The following KCNMA1 variants were observed in gnomAD, a reference collection of about 807,000 sequenced individuals.
The protein encoded by KCNMA1 is potassium calcium-activated channel subfamily M alpha 1, also known as Calcium-activated potassium channel subunit alpha-1.
Under a neutral mutation model 140.0 loss-of-function variants are expected in KCNMA1, and 29 were observed. The ratio of observed to expected loss-of-function variants is 0.21; its 90% CI spans 0.15 to 0.28. KCNMA1 has a LOEUF of 0.28. KCNMA1 is among the 10% of genes least tolerant of loss of function. KCNMA1 has a pLI of 1.00. For missense variants in KCNMA1, 880 were observed against 1,602.2 expected, an observed-to-expected ratio of 0.55 and a Z score of 7.70; for synonymous variants, 612 against 611.9, an observed-to-expected ratio of 1.00 and a Z score of 0.00.
Position 77,426,205 on chromosome 10 carries a change from G to A in KCNMA1, c.379-22182C>T, listed in dbSNP as rs560938937. ...ATAAACAGTTATTGATGACAGAGAT[G>A]AAAAGAAGAAGATCCAATGGAGTAA... On this transcript the variant is annotated intron_variant, in intron 1 of 27. Transcript: ENST00000286628. Among the ~76,000 whole-genome samples, 5 of 152,302 alleles carry A rather than the reference G, an allele frequency of 3.3e-5. No homozygotes were observed. The East Asian group carries it at 9.6e-4, about 29-fold the overall frequency.
At chr10:77,592,442 C>G (rs2079492407) in intron 1 of KCNMA1, among the ~76,000 whole-genome samples, 1 of 152,176 alleles carries the variant, frequency 6.6e-6, no homozygotes, top group Non-Finnish European at 1.5e-5. Flanking sequence ...GAAACTTGTT[C>G]TTTTCTATAG....
At chr10:77,328,613 CAA>C (rs2085113440) in intron 2 of KCNMA1, among the ~76,000 whole-genome samples, 1 of 152,184 alleles carries the variant, frequency 6.6e-6, no homozygotes, top group Non-Finnish European at 1.5e-5. Context: ...GACAAGTGGA[CAA>C]AGACTGACGG....
intron 14 of KCNMA1, among the ~76,000 whole-genome samples, chr10:77,062,211 T>C (rs1013577563): frequency 2.6e-5 from 4 of 152,244 alleles, no homozygotes; most frequent in African/African-American, 9.6e-5. Context: ...TTTCCTATAA[T>C]GCAAATGGAT....
At chr10:77,567,522 C>T (rs1424376398) in intron 1 of KCNMA1, among the ~76,000 whole-genome samples, 3 of 152,180 alleles carry the variant, frequency 2.0e-5, no homozygotes, top group African/African-American at 7.2e-5. Context: ...TTTAATTAAA[C>T]GAGAAACTAT....
At position 77,597,665 on chromosome 10, in the gene KCNMA1, C is replaced by T. The variant is rs1223514997; in HGVS notation, c.378+39600G>A. Among the ~76,000 whole-genome samples the T allele has an allele frequency of 6.6e-5, 10 of 152,318 alleles. No homozygotes were observed. In the East Asian group the frequency reaches 1.9e-3, roughly 29 times the overall value. The stretch of plus-strand genomic sequence containing the variant: ...CCAATTCCTTCCCCTCCTTCTGTGA[C>T]TTCATTTCCTGCCTTTATTCCTGTC... On this transcript the variant is annotated intron_variant, in intron 1 of 27. Transcript: ENST00000286628.
chr10:77,276,313 A>G (rs1220414655), intron 2 of KCNMA1, among the ~76,000 whole-genome samples: 1 of 152,214 alleles, frequency 6.6e-6, no homozygotes, highest in Non-Finnish European at 1.5e-5. Context: ...GCTAACAGGT[A>G]GATGCCTAGG....
intron 1 of KCNMA1, among the ~76,000 whole-genome samples, chr10:77,602,325 C>A (rs551356521): frequency 6.6e-6 from 1 of 152,216 alleles, no homozygotes; most frequent in Non-Finnish European, 1.5e-5. Context: ...ATTGTATGAG[C>A]ACATTTAGAT....
rs935237592 is a variant in KCNMA1, at chr10:77,470,614, C to T, written c.379-66591G>A. ...AATTCCTGACTTTTATTTTTAGCTG[C>T]AAGTCAGACAGAAGAGCAGAAAGAA... On this transcript the variant is annotated intron_variant, in intron 1 of 27. Coordinates refer to ENST00000286628, the MANE Select transcript of KCNMA1 (RefSeq NM_001161352.2). 2.6e-5 allele frequency among the ~76,000 whole-genome samples: 4 copies of T among 152,302 alleles called. No homozygotes were observed. The South Asian group carries it at 6.2e-4, about 24-fold the overall frequency.
At chr10:77,466,341 C>T (rs2098012659) in intron 1 of KCNMA1, among the ~76,000 whole-genome samples, 1 of 152,188 alleles carries the variant, frequency 6.6e-6, no homozygotes, top group Admixed American at 6.5e-5. Flanking sequence ...TGGCTAGCTG[C>T]TTCTTCATCT....
At chr10:77,142,418 AG>A (rs990084848) in intron 5 of KCNMA1, among the ~76,000 whole-genome samples, 10 of 152,020 alleles carry the variant, frequency 6.6e-5, no homozygotes, top group Non-Finnish European at 1.2e-4. Flanking sequence ...AAAAAGAAAA[AG>A]GAAAAACCCC....
At chr10:77,586,410 T>C (rs1340672892) in intron 1 of KCNMA1, 1 of 152,176 alleles carries the variant, frequency 6.6e-6, no homozygotes, top group Non-Finnish European at 1.5e-5. Flanking sequence ...CACTGTTCAG[T>C]TTCATAGGAG....
chr10:77,068,169 A>G (rs2096032582), intron 14 of KCNMA1, among the ~76,000 whole-genome samples: 1 of 152,220 alleles, frequency 6.6e-6, no homozygotes, highest in Non-Finnish European at 1.5e-5. Context: ...AAGGAGGATA[A>G]TAATAGTGAC....
intron 1 of KCNMA1, among the ~76,000 whole-genome samples, chr10:77,428,267 C>G (rs111875699): frequency 0.023 from 3,483 of 152,276 alleles, 122 homozygotes; most frequent in African/African-American, 0.08. Context: ...GCTGGGGTGA[C>G]AGAGCCCCTG....
At chr10:77,464,604 G>A (rs2097946722) in intron 1 of KCNMA1, among the ~76,000 whole-genome samples, 1 of 152,146 alleles carries the variant, frequency 6.6e-6, no homozygotes, top group African/African-American at 2.4e-5. Context: ...TACTGCACTT[G>A]AGAAATGTGG....
chr10:77,282,634 G>T (rs762090461), intron 2 of KCNMA1, among the ~76,000 whole-genome samples: 12 of 152,122 alleles, frequency 7.9e-5, no homozygotes, highest in Non-Finnish European at 1.5e-4. Flanking sequence ...GAATAATTGT[G>T]CATCCTTCCT....
At chr10:76,876,044 C>T (rs928270340), downstream of KCNMA1, 6 of 152,522 alleles carry the variant, frequency 3.9e-5, no homozygotes, top group Admixed American at 3.3e-4. Flanking sequence ...GGTGGAAGCA[C>T]GACTATATTG....
chr10:77,198,060 T>C (rs576185239), intron 3 of KCNMA1, among the ~76,000 whole-genome samples: 1 of 152,298 alleles, frequency 6.6e-6, no homozygotes, highest in East Asian at 1.9e-4. Flanking sequence ...TTTTATAATG[T>C]ATTTCACTTC....
chr10:77,000,854 G>GAAAAA (rs147198441), intron 19 of KCNMA1, among the ~76,000 whole-genome samples: 1 of 10,516 alleles, frequency 9.5e-5, no homozygotes, highest in Admixed American at 9.2e-4. Context: ...ATAGTAAAAA[G>GAAAAA]AAAATATATA....
At chr10:77,027,966 C>A (rs138459166) in intron 15 of KCNMA1, 75 bp from the exon 16 acceptor site, 47 of 1,289,252 alleles carry the variant, frequency 3.6e-5, no homozygotes, top group Non-Finnish European at 5.1e-5. Flanking sequence ...CTATTACGAT[C>A]TTTCGGTCTC....
Sources: gnomAD v4.1 joint callset for allele counts (sites outside exome capture counted in the v4.1 genomes callset) on GRCh38, gnomAD v4.1.1 for gene constraint, MANE v1.5 for transcripts, NCBI Gene and HGNC (gene_info 2026-07-23, HGNC 2026-07-21) for gene names.